Variants in TMEM108 observed in about 807,000 individuals in gnomAD.
TMEM108 encodes cancer/testis antigen 124.
TMEM108 carries 12 observed loss-of-function variants against 35.1 expected under a neutral mutation model. The observed-to-expected ratio is 0.34, with a 90% CI of 0.22 to 0.55. TMEM108 has a LOEUF of 0.55. Among genes scored for constraint, TMEM108 ranks in the 20% least tolerant of loss-of-function variants. TMEM108 has a pLI of 0.89. For synonymous variants in TMEM108, 287 were observed against 308.6 expected (o/e 0.93, Z 0.73); for missense variants, 680 against 753.3 (o/e 0.90, Z 1.14).
At chr3:133,164,152 G>A (rs1305012963) in intron 2 of TMEM108, among the ~76,000 whole-genome samples, 1 of 152,156 alleles carries the variant, frequency 6.6e-6, no homozygotes, top group Non-Finnish European at 1.5e-5. Context: ...CTATGTGTCT[G>A]CCTTCACATG....
At chr3:133,216,220 T>G (rs978265661) in intron 2 of TMEM108, among the ~76,000 whole-genome samples, 2 of 152,152 alleles carry the variant, frequency 1.3e-5, no homozygotes, top group African/African-American at 4.8e-5. Context: ...TAGAACATTT[T>G]TAGTGTTCTA....
intron 3 of TMEM108, among the ~76,000 whole-genome samples, chr3:133,284,681 G>A (rs554609779): frequency 2.6e-5 from 4 of 152,274 alleles, no homozygotes; most frequent in Non-Finnish European, 4.4e-5. Flanking sequence ...TCCAAAAAAC[G>A]GCTTTCTTCT....
intron 2 of TMEM108, among the ~76,000 whole-genome samples, chr3:133,222,547 A>T (rs192111657): frequency 3.6e-4 from 55 of 152,128 alleles, no homozygotes; most frequent in African/African-American, 1.3e-3. Context: ...CACTAATCCC[A>T]TAAGCTCTCT....
At chr3:133,371,473 TG>T (rs1337190745) in intron 3 of TMEM108, among the ~76,000 whole-genome samples, 3 of 152,130 alleles carry the variant, frequency 2.0e-5, no homozygotes, top group African/African-American at 7.2e-5. Flanking sequence ...GGCCCCTCTC[TG>T]GGCTGCTCAG....
chr3:133,052,199 A>G (rs1196237457), intron 2 of TMEM108, among the ~76,000 whole-genome samples: 5 of 152,068 alleles, frequency 3.3e-5, no homozygotes, highest in African/African-American at 1.2e-4. Context: ...TCTTGTACAC[A>G]TTTTGTTAGA....
chr3:133,303,271 C>A (rs1235469814), intron 3 of TMEM108: 1 of 152,134 alleles, frequency 6.6e-6, no homozygotes, highest in African/African-American at 2.4e-5. Context: ...GTACATGTTA[C>A]ACAGCCTGTC....
chr3:133,276,451 G>A (rs548578055), intron 3 of TMEM108, among the ~76,000 whole-genome samples: 1 of 152,294 alleles, frequency 6.6e-6, no homozygotes, highest in South Asian at 2.1e-4. Flanking sequence ...TTCAGCTACA[G>A]GTATGGCATT....
intron 3 of TMEM108, among the ~76,000 whole-genome samples, chr3:133,347,372 T>C (rs1292028043): frequency 1.3e-5 from 2 of 152,162 alleles, no homozygotes; most frequent in East Asian, 3.8e-4. Context: ...AATTTATACC[T>C]AAGTGTTTTC....
chr3:133,060,460 C>A (rs1409122676), intron 2 of TMEM108, among the ~76,000 whole-genome samples: 1 of 152,132 alleles, frequency 6.6e-6, no homozygotes, highest in Non-Finnish European at 1.5e-5. Flanking sequence ...TTTGATTTTG[C>A]ATTTCACTGG....
intron 2 of TMEM108, among the ~76,000 whole-genome samples, chr3:133,079,959 C>T (rs1416461275): frequency 2.0e-5 from 3 of 152,072 alleles, no homozygotes; most frequent in Non-Finnish European, 4.4e-5. Context: ...CACTCCAATG[C>T]TTGGGGTGTG....
chr3:133,113,382 A>G (rs1358150205), intron 2 of TMEM108, among the ~76,000 whole-genome samples: 3 of 152,196 alleles, frequency 2.0e-5, no homozygotes, highest in Non-Finnish European at 4.4e-5. Context: ...TTTCAAAATA[A>G]GCATTATAGA....
At chr3:133,173,731 T>C (rs948353954) in intron 2 of TMEM108, among the ~76,000 whole-genome samples, 1 of 152,076 alleles carries the variant, frequency 6.6e-6, no homozygotes, top group Admixed American at 6.5e-5. Context: ...GATAGCCAAA[T>C]AGGAACAGCT....
intron 3 of TMEM108, among the ~76,000 whole-genome samples, chr3:133,308,833 G>C (rs2071083145): frequency 6.6e-6 from 1 of 151,876 alleles, no homozygotes; most frequent in African/African-American, 2.4e-5. Context: ...TTTTTTTGTT[G>C]TGTCTTTGCC....
intron 2 of TMEM108, among the ~76,000 whole-genome samples, chr3:133,227,875 C>G (rs1946097168): frequency 6.6e-6 from 1 of 151,850 alleles, no homozygotes. Context: ...AGCCTGGCGA[C>G]AGAGTGAGAC....
chr3:133,222,297 A>G (rs903236822), intron 2 of TMEM108, among the ~76,000 whole-genome samples: 2 of 151,916 alleles, frequency 1.3e-5, no homozygotes, highest in African/African-American at 4.8e-5. Context: ...TTGGAACTCC[A>G]TTTTATGTTA....
At chr3:133,335,985 G>A (rs909301960) in intron 3 of TMEM108, among the ~76,000 whole-genome samples, 19 of 152,148 alleles carry the variant, frequency 1.2e-4, no homozygotes, top group Non-Finnish European at 2.1e-4. Flanking sequence ...GAACTTAGCC[G>A]ACACCCACCC....
intron 2 of TMEM108, among the ~76,000 whole-genome samples, chr3:133,064,430 C>T (rs1943571324): frequency 6.6e-6 from 1 of 152,158 alleles, no homozygotes; most frequent in African/African-American, 2.4e-5. Flanking sequence ...CTTTATGTCA[C>T]AGTCTGTTGA....
chr3:133,205,145 T>C (rs1945733288), intron 2 of TMEM108, among the ~76,000 whole-genome samples: 1 of 146,448 alleles, frequency 6.8e-6, no homozygotes, highest in African/African-American at 2.6e-5. Flanking sequence ...TTTTTTTTTC[T>C]TTCCATTTGC....
At chr3:133,379,637 A>G in intron 3 of TMEM108, 115 bp from the exon 4 acceptor site, 1 of 1,028,670 alleles carries the variant, frequency 9.7e-7, no homozygotes, top group Non-Finnish European at 1.4e-6. Flanking sequence ...TGGGCTCAGG[A>G]ATGCTCCTGA....
Sources: gnomAD v4.1 joint callset for allele counts (sites outside exome capture counted in the v4.1 genomes callset) on GRCh38, gnomAD v4.1.1 for gene constraint, MANE v1.5 for transcripts, NCBI Gene and HGNC (gene_info 2026-07-23, HGNC 2026-07-21) for gene names.